GPC6: variants seen among roughly 807,000 people sequenced by gnomAD.
The protein encoded by GPC6 is glypican-6.
A neutral mutation model predicts 55.2 loss-of-function variants in GPC6; 14 were observed. That is an observed-to-expected ratio of 0.25 (90% confidence interval 0.17 to 0.40). The LOEUF (loss-of-function observed/expected upper bound fraction) is 0.40. GPC6 is among the 10% of genes least tolerant of loss of function. GPC6 has a pLI of 1.00. For synonymous variants in GPC6, 278 were observed against 259.6 expected (o/e 1.07, Z -0.68); for missense variants, 641 against 708.5 (o/e 0.90, Z 1.08).
chr13:93,945,079 C>A (rs61964382), intron 3 of GPC6, among the ~76,000 whole-genome samples: 22,223 of 152,000 alleles, frequency 0.15, 2,271 homozygotes, highest in South Asian at 0.21. Context: ...TTTCCTAATC[C>A]GTATTTCACA....
chr13:93,650,050 AC>A (rs1880339539), intron 2 of GPC6, among the ~76,000 whole-genome samples: 1 of 152,192 alleles, frequency 6.6e-6, no homozygotes, highest in South Asian at 2.1e-4. Flanking sequence ...AATACTTGAT[AC>A]AAAATTCACA....
intron 4 of GPC6, among the ~76,000 whole-genome samples, chr13:94,145,136 G>GAT (rs1566462647): frequency 3.6e-5 from 4 of 111,916 alleles, no homozygotes; most frequent in African/African-American, 7.0e-5. Context: ...TGGATGGATG[G>GAT]GTGGATGGAT....
chr13:93,671,934 G>A (rs1881375900), intron 2 of GPC6, among the ~76,000 whole-genome samples: 1 of 151,902 alleles, frequency 6.6e-6, no homozygotes, highest in Admixed American at 6.6e-5. Context: ...AATGACCTAT[G>A]GACATTGAAT....
chr13:93,614,334 G>A (rs932786133), intron 2 of GPC6, among the ~76,000 whole-genome samples: 3 of 152,136 alleles, frequency 2.0e-5, no homozygotes, highest in African/African-American at 7.2e-5. Context: ...TATCCCAAAA[G>A]AATTCAGGTA....
chr13:94,336,501 T>C (rs1031657032), intron 6 of GPC6, among the ~76,000 whole-genome samples: 1 of 152,160 alleles, frequency 6.6e-6, no homozygotes, highest in African/African-American at 2.4e-5. Flanking sequence ...ATTTTACTTC[T>C]CAGTATGAAA....
In GPC6 at chr13:93,227,715, G is replaced by A; in HGVS notation, c.160+99G>A. ...CCTTCCTTCCCCCTGTTGCTGAGTT[G>A]GTGCTCACTTTCTGCCACCGCTATG... On this transcript the variant is annotated intron_variant, in intron 1 of 8. Coordinates refer to ENST00000377047, the MANE Select transcript of GPC6 (RefSeq NM_005708.5). The surrounding 1 kb of genome is among the most constrained non-coding windows in gnomAD (Gnocchi z 4.3). 1 of 961,082 alleles carries A rather than the reference G, an allele frequency of 1.0e-6. No individual in the cohort carries two copies. Among genetic ancestry groups the A allele is most frequent in the Non-Finnish European group, 1.5e-6 (1 of 646,840 alleles). 59.5% of individuals were successfully genotyped at this position (961,082 alleles called of 1,614,324 possible).
chr13:93,721,085 G>A (rs1404457313), intron 2 of GPC6, among the ~76,000 whole-genome samples: 1 of 151,912 alleles, frequency 6.6e-6, no homozygotes, highest in Admixed American at 6.6e-5. Context: ...GGTCCGCTAG[G>A]TCCAGAGCTT....
intron 1 of GPC6, among the ~76,000 whole-genome samples, chr13:93,366,255 A>G (rs181661541): frequency 1.3e-5 from 2 of 152,266 alleles, no homozygotes; most frequent in African/African-American, 4.8e-5. Context: ...ATTGAGAAAT[A>G]TTTGAAAGCA....
intron 4 of GPC6, among the ~76,000 whole-genome samples, chr13:94,197,251 A>G (rs939704103): frequency 2.0e-5 from 3 of 152,172 alleles, no homozygotes; most frequent in African/African-American, 4.8e-5. Context: ...GGGCTCCTCC[A>G]CACACCCAGA....
chr13:93,673,929 A>G (rs541825009), intron 2 of GPC6, among the ~76,000 whole-genome samples: 2 of 152,266 alleles, frequency 1.3e-5, no homozygotes, highest in African/African-American at 2.4e-5. Flanking sequence ...GTTTTATGTA[A>G]GCATTTATGT....
chr13:93,374,914 C>A (rs1369215799), intron 1 of GPC6, among the ~76,000 whole-genome samples: 2 of 152,122 alleles, frequency 1.3e-5, no homozygotes, highest in South Asian at 2.1e-4. Flanking sequence ...TGGCCTGAGA[C>A]ATGAATCATG....
intron 4 of GPC6, among the ~76,000 whole-genome samples, chr13:94,230,202 C>T (rs1890679367): frequency 6.6e-6 from 1 of 152,092 alleles, no homozygotes. Flanking sequence ...TCAGTACCTT[C>T]CCTTCCTTAT....
At chr13:93,931,819 A>T (rs117000954) in intron 3 of GPC6, among the ~76,000 whole-genome samples, 9 of 151,602 alleles carry the variant, frequency 5.9e-5, no homozygotes, top group Admixed American at 2.6e-4. Flanking sequence ...AAGCAGACAC[A>T]GTGCTCAATG....
intron 4 of GPC6, among the ~76,000 whole-genome samples, chr13:94,247,826 TTTC>T (rs1450557788): frequency 3.3e-5 from 5 of 152,070 alleles, no homozygotes; most frequent in African/African-American, 1.2e-4. Context: ...CTTTTTTTCT[TTTC>T]TTCTTTTTTT....
intron 3 of GPC6, among the ~76,000 whole-genome samples, chr13:93,947,871 T>C (rs531861390): frequency 5.3e-5 from 8 of 152,134 alleles, no homozygotes; most frequent in Middle Eastern, 3.2e-3. Flanking sequence ...CAGCAGAAAA[T>C]ATAGTCTGAG....
chr13:93,826,702 T>TC (rs934038697), intron 2 of GPC6, among the ~76,000 whole-genome samples: 2 of 152,122 alleles, frequency 1.3e-5, no homozygotes, highest in African/African-American at 4.8e-5. Flanking sequence ...TTTCTGTGCT[T>TC]CCCCTTGTCC....
chr13:93,690,840 C>T (rs1038937505), intron 2 of GPC6, among the ~76,000 whole-genome samples: 10 of 152,000 alleles, frequency 6.6e-5, no homozygotes, highest in African/African-American at 9.7e-5. Flanking sequence ...TTTTATCTTA[C>T]CTTTTCCTAT....
At chr13:93,229,714 CTT>C (rs79878029) in intron 1 of GPC6, among the ~76,000 whole-genome samples, 1 of 145,270 alleles carries the variant, frequency 6.9e-6, no homozygotes, top group Admixed American at 6.9e-5. Context: ...AATGTGTGCA[CTT>C]TTTTTTTTTT....
intron 1 of GPC6, among the ~76,000 whole-genome samples, chr13:93,466,442 T>C (rs541517636): frequency 2.6e-5 from 4 of 152,350 alleles, no homozygotes; most frequent in African/African-American, 7.2e-5. Flanking sequence ...TGTTAAAGAG[T>C]TACATTTCTA....
Sources: allele counts gnomAD v4.1 joint callset (sites outside exome capture counted in the v4.1 genomes callset), GRCh38; gene constraint gnomAD v4.1.1; non-coding constraint Gnocchi (gnomAD v3.1); transcripts MANE v1.5; gene names NCBI Gene and HGNC (gene_info 2026-07-23, HGNC 2026-07-21).